The following ADM2 variants were observed in gnomAD, a reference collection of about 807,000 sequenced individuals.
ADM2 encodes adrenomedullin 2.
A neutral mutation model predicts 7.1 loss-of-function variants in ADM2; 5 were observed. The observed-to-expected ratio is 0.71, with a 90% CI of 0.37 to 1.49. The LOEUF is 1.49. Ranked by LOEUF, ADM2 falls within the 40% of genes most tolerant of loss-of-function variation. ADM2 has a pLI of 0.03. For synonymous variants in ADM2, 123 were observed against 92.8 expected, an observed-to-expected ratio of 1.33 and a Z score of -1.87; for missense variants, 236 against 211.2, an observed-to-expected ratio of 1.12 and a Z score of -0.73.
In ADM2 at chr22:50,483,382, G is replaced by C. The variant is rs939145184; in HGVS notation, c.*479G>C. On this transcript the variant is annotated 3_prime_UTR_variant, in exon 3 of 3. Transcript: ENST00000395737. ...TTCCACGTGCCTGCCTGTGGGACAG[G>C]AGGGGGAGCGTGGGATGCTGTAGCC... 1 of 423,024 alleles carries C rather than the reference G, an allele frequency of 2.4e-6. No individual in the cohort carries two copies. Among genetic ancestry groups the C allele is most frequent in the African/African-American group, 2.0e-5 (1 of 49,418 alleles). 26.2% of individuals were successfully genotyped at this position (423,024 alleles called of 1,614,324 possible).
rs1033251969 is a variant in ADM2, at chr22:50,481,594, C to T, written c.-181C>T. 3 of 240,126 alleles carry T rather than the reference C, an allele frequency of 1.2e-5. No homozygotes were observed. The highest frequency in any genetic ancestry group is 6.9e-5 in the African/African-American group (3 of 43,636). The allele number at this position is 240,126 out of a possible 1,614,324, so 14.9% of individuals were successfully genotyped here. A position where few individuals can be genotyped will look rare whatever the true frequency, so the allele number is the denominator to read the frequency against. On this transcript the variant is annotated 5_prime_UTR_variant, in exon 1 of 3. Coordinates refer to ENST00000395737, the MANE Select transcript of ADM2 (RefSeq NM_001253845.2). ...GGTGCCATCCCGGGCCGCGACTCCG[C>T]TCCAGGCAGGACCCCCAACCCGCCC...
In ADM2 at chr22:50,482,859, G is replaced by C. The variant is rs930463930; in HGVS notation, c.403G>C (p.Asp135His). The change falls in exon 3 of 3, where the codon GAC (aspartate) becomes CAC (histidine). Residue 135 changes from aspartate (D) to histidine (H), a missense_variant. Asp to His is a moderately conservative substitution (Grantham distance 81). Coordinates refer to ENST00000395737, the MANE Select transcript of ADM2 (RefSeq NM_001253845.2). ...ACTCATGGGACCGGCCGGCCGGCAGGACTCAGCTCCTGTGGACCCCAGCAG... is the reference window on the plus strand; with the variant it reads ...ACTCATGGGACCGGCCGGCCGGCAGCACTCAGCTCCTGTGGACCCCAGCAG... ...WQLMGPAGRQDSAPVDPSSPH... is the reference protein window; with the variant it reads ...WQLMGPAGRQHSAPVDPSSPH... 6.2e-7 allele frequency: 1 copy of C among 1,606,078 alleles called. No homozygotes were observed. The highest frequency in any genetic ancestry group is 1.3e-5 in the African/African-American group (1 of 74,894).
At position 50,482,553 on chromosome 22, in the gene ADM2, A is replaced by G. The variant is rs991680225; in HGVS notation, c.111-14A>G. 1 of 1,451,648 alleles carries G rather than the reference A, an allele frequency of 6.9e-7. No homozygotes were observed. The highest frequency in any genetic ancestry group is 1.4e-5 in the African/African-American group (1 of 69,850). 89.9% of individuals were successfully genotyped at this position (1,451,648 alleles called of 1,614,324 possible). The stretch of plus-strand genomic sequence containing the variant: ...CTGAGCCATCTGGTTGACATTCTCC[A>G]TCTGCCTCTGCAGGGAGCCCCCAGC... On this transcript the variant is annotated splice_polypyrimidine_tract_variant and intron_variant, in intron 2 of 2. Coordinates refer to ENST00000395737, the MANE Select transcript of ADM2 (RefSeq NM_001253845.2).
In ADM2 at chr22:50,484,169, T is replaced by G. The variant is rs943626892; in HGVS notation, c.*1266T>G. On this transcript the variant is annotated 3_prime_UTR_variant, in exon 3 of 3. Transcript: ENST00000395737. ...CCCACCCAGGCGCCGCCCCTGTGCTTGCTCCCCGAGCTCAGGGATTGCCGA... is the reference window on the plus strand; with the variant it reads ...CCCACCCAGGCGCCGCCCCTGTGCTGGCTCCCCGAGCTCAGGGATTGCCGA... 1 of 152,296 alleles carries G rather than the reference T, an allele frequency of 6.6e-6. No individual in the cohort carries two copies. Among genetic ancestry groups the G allele is most frequent in the African/African-American group, 2.4e-5 (1 of 41,428 alleles). 9.4% of individuals were successfully genotyped at this position (152,296 alleles called of 1,614,324 possible).
rs901130087 is a variant in ADM2, at chr22:50,484,448, G to A, written c.*1545G>A. 1.3e-5 allele frequency: 2 copies of A among 152,810 alleles called. No individual in the cohort carries two copies. The highest frequency in any genetic ancestry group is 6.5e-5 in the Admixed American group (1 of 15,300). 9.5% of individuals were successfully genotyped at this position (152,810 alleles called of 1,614,324 possible). On this transcript the variant is annotated 3_prime_UTR_variant, in exon 3 of 3. Coordinates refer to ENST00000395737, the MANE Select transcript of ADM2 (RefSeq NM_001253845.2). ...AAGGCCCCAGGTGCACAGGAGGCGT[G>A]GCTGCTGAGAGGCTGCAGGGTGGAG... is the stretch of plus-strand genomic sequence containing the variant.
rs1471800020 is a variant in ADM2 at position 50,482,723 on chromosome 22, C to T, written c.267C>T (p.His89=). 7.8e-7 allele frequency: 1 copy of T among 1,281,272 alleles called. No homozygotes were observed. The highest frequency in any genetic ancestry group is 1.1e-6 in the Non-Finnish European group (1 of 944,062). 79.4% of individuals were successfully genotyped at this position (1,281,272 alleles called of 1,614,324 possible). A position where few individuals can be genotyped will look rare whatever the true frequency, so the allele number is the denominator to read the frequency against. The part of the protein sequence containing the change: ...GQPLRDGGRQ[H]SGPRRHSGPR... Reference sequence around the variant, plus strand: ...CTCTCCGGGATGGTGGCCGCCAACACTCGGGCCCCCGAAGACACTCGGGCC... The same window carrying T: ...CTCTCCGGGATGGTGGCCGCCAACATTCGGGCCCCCGAAGACACTCGGGCC... The change falls in exon 3 of 3, where the codon CAC becomes CAT. Residue 89 remains histidine, a synonymous_variant. Transcript: ENST00000395737.
At position 50,482,947 on chromosome 22, in the gene ADM2, G is replaced by A. The variant is rs779222469; in HGVS notation, c.*44G>A. Reference sequence around the variant, plus strand: ...CCCTGCCCATCCCAGCCAGGGTGCTGTGCCCCCGTCCAGAGCTGCAGCTGA... The same window carrying A: ...CCCTGCCCATCCCAGCCAGGGTGCTATGCCCCCGTCCAGAGCTGCAGCTGA... On this transcript the variant is annotated 3_prime_UTR_variant, in exon 3 of 3. Coordinates refer to ENST00000395737, the MANE Select transcript of ADM2 (RefSeq NM_001253845.2). The A allele has an allele frequency of 9.1e-6, 14 of 1,546,098 alleles. No individual in the cohort carries two copies. The highest frequency in any genetic ancestry group is 3.5e-5 in the South Asian group (3 of 84,846).
At position 50,481,695 on chromosome 22, in the gene ADM2, C is replaced by T. The variant is rs1390733200; in HGVS notation, c.-80C>T. 4.9e-5 allele frequency: 19 copies of T among 388,780 alleles called. No individual in the cohort carries two copies. The highest frequency in any genetic ancestry group is 7.9e-5 in the Non-Finnish European group (18 of 227,782). The allele number at this position is 388,780 out of a possible 1,614,324, so 24.1% of individuals were successfully genotyped here. A position where few individuals can be genotyped will look rare whatever the true frequency, so the allele number is the denominator to read the frequency against. The stretch of plus-strand genomic sequence containing the variant: ...CCCGCTTCGCGCCCGAGGCCTGCGC[C>T]CCGACGGACGCCCGTGCCCAGCTTG... On this transcript the variant is annotated 5_prime_UTR_variant, in exon 1 of 3. Coordinates refer to ENST00000395737, the MANE Select transcript of ADM2 (RefSeq NM_001253845.2).
chr22:50,483,665 A>T lies in ADM2; in HGVS notation c.*762A>T. The stretch of plus-strand genomic sequence containing the variant: ...CCCCCAGCCCGACTAGACCCACCTC[A>T]CCTGAAGGGGGTGAGACCCTTGTTG... On this transcript the variant is annotated 3_prime_UTR_variant, in exon 3 of 3. Coordinates refer to ENST00000395737, the MANE Select transcript of ADM2 (RefSeq NM_001253845.2). 4.8e-6 allele frequency: 1 copy of T among 207,914 alleles called. No homozygotes were observed. Among genetic ancestry groups the T allele is most frequent in the African/African-American group, 2.3e-5 (1 of 42,840 alleles). 12.9% of individuals were successfully genotyped at this position (207,914 alleles called of 1,614,324 possible).
In ADM2 at chr22:50,481,569, G is replaced by A. The variant is rs1358380146; in HGVS notation, c.-206G>A. The stretch of plus-strand genomic sequence containing the variant: ...GAAAGGCTACGTATTCAGCCCTGGA[G>A]GTGCCATCCCGGGCCGCGACTCCGC... On this transcript the variant is annotated 5_prime_UTR_variant, in exon 1 of 3. Transcript: ENST00000395737. The A allele has an allele frequency of 4.6e-6, 1 of 215,850 alleles. No individual in the cohort carries two copies. The highest frequency in any genetic ancestry group is 9.1e-6 in the Non-Finnish European group (1 of 110,442). The allele number at this position is 215,850 out of a possible 1,614,324, so 13.4% of individuals were successfully genotyped here.
At position 50,482,949 on chromosome 22, in the gene ADM2, G is replaced by A; in HGVS notation, c.*46G>A. ...CTGCCCATCCCAGCCAGGGTGCTGT[G>A]CCCCCGTCCAGAGCTGCAGCTGAGC... On this transcript the variant is annotated 3_prime_UTR_variant, in exon 3 of 3. Transcript: ENST00000395737. 6.5e-7 allele frequency: 1 copy of A among 1,544,820 alleles called. No homozygotes were observed. Among genetic ancestry groups the A allele is most frequent in the Non-Finnish European group, 8.7e-7 (1 of 1,150,614 alleles).
In ADM2 at chr22:50,482,623, G is replaced by A. The variant is rs201693188; in HGVS notation, c.167G>A (p.Arg56Gln). Reference protein sequence around the residue: ...SSLQPRHPAPRPVVWKLHRAL... With the variant: ...SSLQPRHPAPQPVVWKLHRAL... ...CTGCAGCCCAGGCACCCCGCACCCCGACCTGTGGTCTGGAAGCTTCACCGG... is the reference window on the plus strand; with the variant it reads ...CTGCAGCCCAGGCACCCCGCACCCCAACCTGTGGTCTGGAAGCTTCACCGG... Residue 56 changes from arginine (R) to glutamine (Q), a missense_variant, in exon 3 of 3, where the codon CGA (arginine) becomes CAA (glutamine). Transcript: ENST00000395737. 7.4e-5 allele frequency: 112 copies of A among 1,517,460 alleles called. No individual in the cohort carries two copies. In the African/African-American group the frequency reaches 1.1e-3, roughly 15 times the overall value. 94.0% of individuals were successfully genotyped at this position (1,517,460 alleles called of 1,614,324 possible).
chr22:50,481,953 C>T lies in ADM2; in HGVS notation c.106C>T (p.Pro36Ser). Reference protein sequence around the residue: ...SLGGDPRPVKPREPPARSPSS... With the variant: ...SLGGDPRPVKSREPPARSPSS... The stretch of plus-strand genomic sequence containing the variant: ...GGGCGGGGACCCGCGACCCGTCAAA[C>T]CCAGGTGAGTCCAGGTCTTGGGCCA... Residue 36 changes from proline (P) to serine (S), a missense_variant, in exon 2 of 3, where the codon CCC (proline) becomes TCC (serine). Physicochemically the swap from Pro to Ser is moderately conservative, Grantham distance 74. Transcript: ENST00000395737. 6.5e-7 allele frequency: 1 copy of T among 1,536,238 alleles called. No homozygotes were observed. Among genetic ancestry groups the T allele is most frequent in the East Asian group, 2.6e-5 (1 of 38,706 alleles).
intron 1 of ADM2, 25 bp from the exon 2 acceptor site, chr22:50,481,812 C>A: frequency 7.0e-7 from 1 of 1,425,606 alleles, no homozygotes; most frequent in Non-Finnish European, 9.2e-7. Flanking sequence ...CCGACGTGCC[C>A]GGCTCACCGC....
rs876278 is a variant in ADM2, at chr22:50,484,613, C to G, written c.*1710C>G. The G allele has an allele frequency of 0.1, 15,301 of 152,522 alleles. 1,391 individuals carry two copies. The highest frequency in any genetic ancestry group is 0.49 in the East Asian group (2,515 of 5,174). The allele number at this position is 152,522 out of a possible 1,614,324, so 9.4% of individuals were successfully genotyped here. A position where few individuals can be genotyped will look rare whatever the true frequency, so the allele number is the denominator to read the frequency against. On this transcript the variant is annotated 3_prime_UTR_variant, in exon 3 of 3. Transcript: ENST00000395737. ...GCTCGGGGGTCAGGAGCTCAGCGTC[C>G]GCTACTCAGCCCAGCCAAAACCCTC...
Position 50,486,405 on chromosome 22 carries a change from C to T in ADM2, c.*3502C>T, listed in dbSNP as rs1196440262. 1.8e-5 allele frequency: 3 copies of T among 164,508 alleles called. No individual in the cohort carries two copies. The highest frequency in any genetic ancestry group is 3.5e-4 in the East Asian group (2 of 5,766). 10.2% of individuals were successfully genotyped at this position (164,508 alleles called of 1,614,324 possible). On this transcript the variant is annotated 3_prime_UTR_variant, in exon 3 of 3. Coordinates refer to ENST00000395737, the MANE Select transcript of ADM2 (RefSeq NM_001253845.2). Reference sequence around the variant, plus strand: ...ACTCGGAGGTGAGCTCCTCTCACCACTCTCTTGAATAAAGCTTTTCTCACC... The same window carrying T: ...ACTCGGAGGTGAGCTCCTCTCACCATTCTCTTGAATAAAGCTTTTCTCACC...
In ADM2 at chr22:50,485,280, G is replaced by A. The variant is rs1478024149; in HGVS notation, c.*2377G>A. ...GAGAATCGTCTAAGCCCGGGAGGTG[G>A]AGGTTGCAGTGAGCCCAGATGGCGC... On this transcript the variant is annotated 3_prime_UTR_variant, in exon 3 of 3. Coordinates refer to ENST00000395737, the MANE Select transcript of ADM2 (RefSeq NM_001253845.2). 6.6e-6 allele frequency: 1 copy of A among 152,272 alleles called. No homozygotes were observed. The highest frequency in any genetic ancestry group is 1.9e-4 in the East Asian group (1 of 5,202). The allele number at this position is 152,272 out of a possible 1,614,324, so 9.4% of individuals were successfully genotyped here.
Position 50,483,176 on chromosome 22 carries a change from AGAG to A in ADM2, c.*278_*280del. ...CAGCACCAGATGCTAAGCGCTTCAG[AGAG>A]GAGGTGTCTGCCCAGAGATGTGGAG... On this transcript the variant is annotated 3_prime_UTR_variant, in exon 3 of 3. Transcript: ENST00000395737. The A allele has an allele frequency of 4.5e-6, 3 of 659,504 alleles. No homozygotes were observed. The highest frequency in any genetic ancestry group is 5.6e-6 in the Non-Finnish European group (2 of 358,484). 40.9% of individuals were successfully genotyped at this position (659,504 alleles called of 1,614,324 possible). A position where few individuals can be genotyped will look rare whatever the true frequency, so the allele number is the denominator to read the frequency against.
rs111581490 is a variant in ADM2 at position 50,483,956 on chromosome 22, G to A, written c.*1053G>A. The A allele has an allele frequency of 1.3e-5, 2 of 152,592 alleles. No homozygotes were observed. The highest frequency in any genetic ancestry group is 6.5e-5 in the Admixed American group (1 of 15,294). 9.5% of individuals were successfully genotyped at this position (152,592 alleles called of 1,614,324 possible). ...CCAGCAGAACACGGGGTTCAGAAAG[G>A]GCTCCTTCTGCTATTTAGCGAACAC... On this transcript the variant is annotated 3_prime_UTR_variant, in exon 3 of 3. Coordinates refer to ENST00000395737, the MANE Select transcript of ADM2 (RefSeq NM_001253845.2).
Sources: allele counts gnomAD v4.1 joint callset, GRCh38; gene constraint gnomAD v4.1.1; transcripts MANE v1.5; gene names NCBI Gene and HGNC (gene_info 2026-07-23, HGNC 2026-07-21).